Variants in EMILIN2 observed in about 807,000 individuals in gnomAD.
The protein encoded by EMILIN2 is elastin microfibril interfacer 2.
EMILIN2 carries 71 observed loss-of-function variants against 87.1 expected under a neutral mutation model. That is an observed-to-expected ratio of 0.82 (90% CI 0.67 to 0.99). The LOEUF is 0.99. Among genes scored for constraint, EMILIN2 ranks in the 50% least tolerant of loss-of-function variants. EMILIN2 has a pLI of 0.00. For missense variants in EMILIN2, 1,407 were observed against 1,371.8 expected, an observed-to-expected ratio of 1.03 and a Z score of -0.40; for synonymous variants, 581 against 563.4, an observed-to-expected ratio of 1.03 and a Z score of -0.44.
chr18:2,851,399 C>T (rs183261259), intron 2 of EMILIN2, among the ~76,000 whole-genome samples: 174 of 152,238 alleles, frequency 1.1e-3, no homozygotes, highest in African/African-American at 3.8e-3. Flanking sequence ...CACGTCACTG[C>T]GCTCCAGCCT....
chr18:2,856,960 T>G (rs1003246836), intron 2 of EMILIN2, among the ~76,000 whole-genome samples: 2 of 152,170 alleles, frequency 1.3e-5, no homozygotes, highest in African/African-American at 4.8e-5. Context: ...TCCTTCCTGT[T>G]TTAAAATGGT....
At chr18:2,889,078 T>C (rs908394642) in intron 3 of EMILIN2, among the ~76,000 whole-genome samples, 31 of 151,912 alleles carry the variant, frequency 2.0e-4, no homozygotes, top group African/African-American at 7.5e-4. Flanking sequence ...TGTTAACCTC[T>C]TTCAGTATTT....
At position 2,847,383 on chromosome 18, in the gene EMILIN2, C is replaced by A; in HGVS notation, c.134+61C>A. On this transcript the variant is annotated intron_variant, in intron 1 of 7. Transcript: ENST00000254528. This position sits in a 1 kb window ranked among gnomAD's most constrained non-coding sequence, Gnocchi z 4.5. ...TACCCCTCCCCGGCCCCCAGTTGAG[C>A]CCCAGAGCTGCCCTGCCAAAGACGA... 1.6e-6 allele frequency: 2 copies of A among 1,255,454 alleles called. No individual in the cohort carries two copies. The highest frequency in any genetic ancestry group is 2.0e-6 in the Non-Finnish European group (2 of 995,836). The allele number at this position is 1,255,454 out of a possible 1,614,324, so 77.8% of individuals were successfully genotyped here.
intron 4 of EMILIN2, among the ~76,000 whole-genome samples, chr18:2,892,711 A>G (rs1012129543): frequency 6.6e-6 from 1 of 151,804 alleles, no homozygotes; most frequent in Non-Finnish European, 1.5e-5. Flanking sequence ...GCTGAGTAGC[A>G]ATAAGATAAA....
In EMILIN2 at chr18:2,894,829, A is replaced by G. The variant is rs1162311805; in HGVS notation, c.2359+2343A>G. On this transcript the variant is annotated intron_variant, in intron 4 of 7. Transcript: ENST00000254528. The surrounding 1 kb of genome is among the most constrained non-coding windows in gnomAD (Gnocchi z 5.0). The stretch of plus-strand genomic sequence containing the variant: ...CCTGGAACCTGAGTATCAGAGGTGC[A>G]TGGGAGAATCTGGAGCTAAGGTCAC... 1.3e-5 allele frequency among the ~76,000 whole-genome samples: 2 copies of G among 152,180 alleles called. No homozygotes were observed. Among genetic ancestry groups the G allele is most frequent in the Admixed American group, 6.5e-5 (1 of 15,282 alleles).
chr18:2,883,623 C>T (rs2076788372), intron 2 of EMILIN2, among the ~76,000 whole-genome samples: 1 of 152,198 alleles, frequency 6.6e-6, no homozygotes. Flanking sequence ...CCCTGGTGAG[C>T]CCGGGACTGC....
At chr18:2,896,208 C>T (rs1294038351) in intron 4 of EMILIN2, among the ~76,000 whole-genome samples, 1 of 151,916 alleles carries the variant, frequency 6.6e-6, no homozygotes, top group African/African-American at 2.4e-5. Context: ...TGGAGTCTCC[C>T]TTTGTTGCTG....
chr18:2,899,608 A>G (rs141105683), intron 4 of EMILIN2, among the ~76,000 whole-genome samples: 386 of 151,974 alleles, frequency 2.5e-3, no homozygotes, highest in Non-Finnish European at 4.5e-3. Context: ...GGGTTCAAGC[A>G]ATTCTCCTGC....
Position 2,880,773 on chromosome 18 carries a change from A to G in EMILIN2, c.258-4191A>G, listed in dbSNP as rs1160557302. ...TGCTTGGGCCGCCTGTCTCTGTTTC[A>G]TGTCCCCTGCCTGGTCCTCTTAGGA... On this transcript the variant is annotated intron_variant, in intron 2 of 7. Transcript: ENST00000254528. The surrounding 1 kb of genome is among the most constrained non-coding windows in gnomAD (Gnocchi z 4.1). Among the ~76,000 whole-genome samples the G allele has an allele frequency of 6.6e-6, 1 of 152,008 alleles. No homozygotes were observed. Among genetic ancestry groups the G allele is most frequent in the Non-Finnish European group, 1.5e-5 (1 of 67,986 alleles).
intron 2 of EMILIN2, among the ~76,000 whole-genome samples, chr18:2,855,374 G>A (rs149710484): frequency 6.6e-6 from 1 of 152,310 alleles, no homozygotes; most frequent in African/African-American, 2.4e-5. Flanking sequence ...CTGGGGCCTT[G>A]GAAAAAGAAC....
At chr18:2,860,731 A>G (rs1490176081) in intron 2 of EMILIN2, among the ~76,000 whole-genome samples, 1 of 152,216 alleles carries the variant, frequency 6.6e-6, no homozygotes, top group African/African-American at 2.4e-5. Flanking sequence ...AGCATGATTT[A>G]TAATCCTCTG....
Position 2,890,933 on chromosome 18 carries a change from T to G in EMILIN2, c.806T>G (p.Val269Gly), listed in dbSNP as rs546728853. ...MKDIKSELAE[V>G]KDTLKNKSDK... ...GACATCAAGTCTGAATTGGCTGAAG[T>G]CAAAGATACTCTAAAGAACAAAAGT... The change falls in exon 4 of 8, where the codon GTC becomes GGC. Residue 269 changes from valine (V) to glycine (G), a missense_variant. Coordinates refer to ENST00000254528, the MANE Select transcript of EMILIN2 (RefSeq NM_032048.3). This position sits in a 1 kb window ranked among gnomAD's most constrained non-coding sequence, Gnocchi z 4.7. 2 of 1,613,934 alleles carry G rather than the reference T, an allele frequency of 1.2e-6. No homozygotes were observed. The highest frequency in any genetic ancestry group is 4.5e-5 in the East Asian group (2 of 44,874).
In EMILIN2 at chr18:2,890,103, A is replaced by G. The variant is rs1042076977; in HGVS notation, c.434-458A>G. Among the ~76,000 whole-genome samples the G allele has an allele frequency of 6.6e-6, 1 of 152,160 alleles. No individual in the cohort carries two copies. Among genetic ancestry groups the G allele is most frequent in the Admixed American group, 6.5e-5 (1 of 15,278 alleles). Reference sequence around the variant, plus strand: ...CAACAGCTAATGGGTGGATCTTGCTAAAGTGGTTTCTTGTGGTTTTACTGT... The same window carrying G: ...CAACAGCTAATGGGTGGATCTTGCTGAAGTGGTTTCTTGTGGTTTTACTGT... On this transcript the variant is annotated intron_variant, in intron 3 of 7. Transcript: ENST00000254528. This position sits in a 1 kb window ranked among gnomAD's most constrained non-coding sequence, Gnocchi z 4.7.
chr18:2,895,468 T>A (rs2076859043), intron 4 of EMILIN2, among the ~76,000 whole-genome samples: 1 of 152,196 alleles, frequency 6.6e-6, no homozygotes, highest in Non-Finnish European at 1.5e-5. Context: ...AACAAAGATG[T>A]ATTAGTTTCC....
At position 2,906,823 on chromosome 18, in the gene EMILIN2, G is replaced by A. The variant is rs1447138691; in HGVS notation, c.2400G>A (p.Glu800=). 26 of 1,322,164 alleles carry A rather than the reference G, an allele frequency of 2.0e-5. No homozygotes were observed. The highest frequency in any genetic ancestry group is 6.7e-6 in the Non-Finnish European group (7 of 1,040,754). 81.9% of individuals were successfully genotyped at this position (1,322,164 alleles called of 1,614,324 possible). ...SPPPPAEAPK[E]PLQPEPAPPR... ...CGCCGCCCGCAGAGGCCCCGAAGGA[G>A]CCGCTGCAGCCCGAGCCCGCCCCGC... Residue 800 remains glutamate, a synonymous_variant, in exon 5 of 8, where the codon GAG becomes GAA. Coordinates refer to ENST00000254528, the MANE Select transcript of EMILIN2 (RefSeq NM_032048.3).
intron 2 of EMILIN2, 95 bp from the exon 3 acceptor site, chr18:2,884,869 C>CCT: frequency 7.4e-7 from 1 of 1,356,168 alleles, no homozygotes; most frequent in Non-Finnish European, 1.0e-6. Flanking sequence ...CAGGCAGGGT[C>CCT]CTGCATGCCC....
intron 2 of EMILIN2, among the ~76,000 whole-genome samples, chr18:2,858,583 G>GTGTGTGTGTGTATATATATA (rs1180735843): frequency 1.6e-4 from 10 of 63,042 alleles, no homozygotes; most frequent in African/African-American, 8.4e-4. Context: ...GTGTGTGTGT[G>GTGTGTGTGTGTATATATATA]TATATATATA....
At chr18:2,850,592 T>A (rs2076596819) in intron 2 of EMILIN2, among the ~76,000 whole-genome samples, 1 of 151,932 alleles carries the variant, frequency 6.6e-6, no homozygotes, top group African/African-American at 2.4e-5. Context: ...TTTATTTTTT[T>A]AGGGATGGGG....
In EMILIN2 at chr18:2,880,092, G is replaced by C. The variant is rs1359511416; in HGVS notation, c.258-4872G>C. Among the ~76,000 whole-genome samples the C allele has an allele frequency of 6.6e-6, 1 of 152,200 alleles. No homozygotes were observed. Among genetic ancestry groups the C allele is most frequent in the African/African-American group, 2.4e-5 (1 of 41,468 alleles). ...CTCATGGGGCTTACAGTCTGGCAGGGAGGACAAACACGGAGTAAGCAAACA... is the reference window on the plus strand; with the variant it reads ...CTCATGGGGCTTACAGTCTGGCAGGCAGGACAAACACGGAGTAAGCAAACA... On this transcript the variant is annotated intron_variant, in intron 2 of 7. Coordinates refer to ENST00000254528, the MANE Select transcript of EMILIN2 (RefSeq NM_032048.3). The surrounding 1 kb of genome is among the most constrained non-coding windows in gnomAD (Gnocchi z 4.1).
Sources: gnomAD v4.1 joint callset for allele counts (sites outside exome capture counted in the v4.1 genomes callset) on GRCh38, gnomAD v4.1.1 for gene constraint, Gnocchi (gnomAD v3.1) non-coding constraint, MANE v1.5 for transcripts, NCBI Gene and HGNC (gene_info 2026-07-23, HGNC 2026-07-21) for gene names.